NLGN1: variants seen among roughly 807,000 people sequenced by gnomAD.
NLGN1 encodes the protein neuroligin 1, also known as neuroligin-1.
A neutral mutation model predicts 65.5 loss-of-function variants in NLGN1; 12 were observed. The ratio of observed to expected loss-of-function variants is 0.18; its 90% CI spans 0.12 to 0.30. The LOEUF (loss-of-function observed/expected upper bound fraction) is 0.30, where lower values mean the gene tolerates loss of function less well. NLGN1 is among the 10% of genes least tolerant of loss of function. The pLI, the probability that NLGN1 is intolerant of heterozygous loss-of-function variation, is 1.00. For synonymous variants in NLGN1, 350 were observed against 359.5 expected, an observed-to-expected ratio of 0.97 and a Z score of 0.30; for missense variants, 750 against 1,007.1, an observed-to-expected ratio of 0.74 and a Z score of 3.46.
At chr3:173,819,658 C>T (rs1005770775) in intron 4 of NLGN1, among the ~76,000 whole-genome samples, 1 of 152,166 alleles carries the variant, frequency 6.6e-6, no homozygotes, top group African/African-American at 2.4e-5. Flanking sequence ...GCATAAGCAG[C>T]TTAGTCTCTA....
chr3:173,488,234 T>A (rs1463940186), intron 2 of NLGN1, among the ~76,000 whole-genome samples: 1 of 152,034 alleles, frequency 6.6e-6, no homozygotes, highest in African/African-American at 2.4e-5. Flanking sequence ...ACTACCCACC[T>A]CATCATTTTA....
intron 4 of NLGN1, among the ~76,000 whole-genome samples, chr3:173,956,225 A>G (rs1172972011): frequency 6.6e-6 from 1 of 152,168 alleles, no homozygotes; most frequent in African/African-American, 2.4e-5. Flanking sequence ...AAGGTTACAC[A>G]GCAAATTAGC....
chr3:173,478,289 A>G (rs1726606530), intron 2 of NLGN1, among the ~76,000 whole-genome samples: 2 of 152,182 alleles, frequency 1.3e-5, no homozygotes, highest in South Asian at 4.1e-4. Context: ...ATCCTCAGCA[A>G]ACTAATGCAA....
At chr3:173,452,072 C>G (rs893769532) in intron 2 of NLGN1, among the ~76,000 whole-genome samples, 9 of 152,312 alleles carry the variant, frequency 5.9e-5, no homozygotes, top group Admixed American at 3.9e-4. Flanking sequence ...TGTCCTGCAC[C>G]CACTGTCTGG....
intron 4 of NLGN1, among the ~76,000 whole-genome samples, chr3:174,238,566 T>A (rs1007730876): frequency 6.6e-6 from 1 of 152,194 alleles, no homozygotes; most frequent in Non-Finnish European, 1.5e-5. Context: ...TTTTACCACG[T>A]TGGCCCGGAT....
chr3:174,119,424 G>A (rs1431107108), intron 4 of NLGN1, among the ~76,000 whole-genome samples: 1 of 135,806 alleles, frequency 7.4e-6, no homozygotes, highest in African/African-American at 2.9e-5. Flanking sequence ...TCATAGCTTG[G>A]ATTTTTTAGA....
intron 1 of NLGN1, among the ~76,000 whole-genome samples, chr3:173,430,630 C>T (rs1042532549): frequency 2.6e-5 from 4 of 152,192 alleles, no homozygotes; most frequent in African/African-American, 7.2e-5. Flanking sequence ...AAAACTTTAT[C>T]CCCAATATAG....
rs533817012 is a variant in NLGN1 at position 173,825,947 on chromosome 3, G to C, written c.646+18115G>C. Among the ~76,000 whole-genome samples the C allele has an allele frequency of 9.2e-5, 14 of 152,008 alleles. No individual in the cohort carries two copies. The South Asian group carries it at 2.9e-3, about 32-fold the overall frequency. ...TGGAAACAAGCAAGGTTACACCCAA[G>C]ACTCAATTAAAATCGTGGCTCATAT... On this transcript the variant is annotated intron_variant, in intron 4 of 6. Transcript: ENST00000457714.
chr3:173,603,438 C>T (rs1026453211), intron 2 of NLGN1, among the ~76,000 whole-genome samples: 1 of 83,442 alleles, frequency 1.2e-5, no homozygotes, highest in Middle Eastern at 6.2e-3. Context: ...TTTTTGTAAT[C>T]TTCCTTTGAT....
chr3:173,511,251 C>G (rs951853092), intron 2 of NLGN1, among the ~76,000 whole-genome samples: 1 of 152,030 alleles, frequency 6.6e-6, no homozygotes. Flanking sequence ...TTTTATATAG[C>G]CTGTTTTAGG....
chr3:173,486,300 G>T (rs965387130), intron 2 of NLGN1, among the ~76,000 whole-genome samples: 2 of 152,028 alleles, frequency 1.3e-5, no homozygotes, highest in African/African-American at 2.4e-5. Context: ...GGCCTCAAGG[G>T]ATCCGCCTGC....
chr3:173,810,569 G>A (rs1352245151), intron 4 of NLGN1, among the ~76,000 whole-genome samples: 1 of 152,218 alleles, frequency 6.6e-6, no homozygotes, highest in Non-Finnish European at 1.5e-5. Context: ...AACAGGTAGT[G>A]CAATCTGTGT....
chr3:173,981,577 T>A (rs893641742), intron 4 of NLGN1, among the ~76,000 whole-genome samples: 1 of 152,188 alleles, frequency 6.6e-6, no homozygotes, highest in African/African-American at 2.4e-5. Flanking sequence ...TAGCATTGGC[T>A]GAATATGTCT....
At chr3:174,181,718 C>CT (rs1263195968) in intron 4 of NLGN1, among the ~76,000 whole-genome samples, 1 of 151,860 alleles carries the variant, frequency 6.6e-6, no homozygotes, top group Non-Finnish European at 1.5e-5. Context: ...GGCTTGAGCC[C>CT]AGGACTTCAA....
intron 3 of NLGN1, among the ~76,000 whole-genome samples, chr3:173,659,696 C>T (rs964106381): frequency 6.6e-6 from 1 of 151,712 alleles, no homozygotes; most frequent in Non-Finnish European, 1.5e-5. Context: ...GCACTGCTAG[C>T]TTCAAATCAT....
At chr3:173,580,246 C>T (rs568197076) in intron 2 of NLGN1, among the ~76,000 whole-genome samples, 23 of 152,176 alleles carry the variant, frequency 1.5e-4, no homozygotes, top group Middle Eastern at 3.4e-3. Flanking sequence ...TGGTATTAAT[C>T]AATCCATCAT....
rs138031074 is a variant in NLGN1, at chr3:173,756,522, A to C, written c.494-51158A>C. 4.9e-4 allele frequency among the ~76,000 whole-genome samples: 75 copies of C among 151,918 alleles called. 1 individual carries two copies. The highest frequency in any genetic ancestry group is 1.6e-3 in the African/African-American group (67 of 41,500). On this transcript the variant is annotated intron_variant, in intron 3 of 6. Coordinates refer to ENST00000457714, the Ensembl canonical transcript of NLGN1. ...TACATGTGTGTAGATATATATATGC[A>C]ATATGTGTGTGTGTAAATGTATATA...
At chr3:173,739,391 A>C (rs1476638795) in intron 3 of NLGN1, among the ~76,000 whole-genome samples, 1 of 152,124 alleles carries the variant, frequency 6.6e-6, no homozygotes, top group Non-Finnish European at 1.5e-5. Context: ...TAACCCGAAC[A>C]AAAGGCTACC....
intron 4 of NLGN1, among the ~76,000 whole-genome samples, chr3:173,820,684 T>G (rs1720110530): frequency 6.6e-6 from 1 of 152,108 alleles, no homozygotes; most frequent in South Asian, 2.1e-4. Context: ...GTAAATCTAG[T>G]CTTTGTCTGA....
Sources: allele counts gnomAD v4.1 joint callset (sites outside exome capture counted in the v4.1 genomes callset), GRCh38; gene constraint gnomAD v4.1.1; transcripts MANE v1.5; gene names NCBI Gene and HGNC (gene_info 2026-07-23, HGNC 2026-07-21).